Variants in QNG1 observed in about 807,000 individuals in gnomAD.
QNG1 encodes the protein queuosine 5'-phosphate N-glycosylase/hydrolase.
At chr9:83,941,454 C>T in the QNG1 span, among the ~76,000 whole-genome samples, 1 of 152,136 alleles carries the variant, frequency 6.6e-6, no homozygotes, top group Non-Finnish European at 1.5e-5. Flanking sequence ...TGGTGGTATG[C>T]ACCTCTAGTA....
the QNG1 span, chr9:83,939,483 T>G: frequency 1.3e-5 from 19 of 1,475,700 alleles, no homozygotes; most frequent in African/African-American, 2.6e-4. Context: ...ACGCAGGGGG[T>G]TTTCTTTGGA....
chr9:83,953,436 C>A, the QNG1 span, among the ~76,000 whole-genome samples: 7 of 151,098 alleles, frequency 4.6e-5, no homozygotes, highest in African/African-American at 1.7e-4. Context: ...CAACCTTCAG[C>A]TCCTGGGTTC....
the QNG1 span, among the ~76,000 whole-genome samples, chr9:83,953,182 C>A: frequency 6.6e-6 from 1 of 151,898 alleles, no homozygotes; most frequent in African/African-American, 2.4e-5. Flanking sequence ...GCAGGAGAAT[C>A]ATTTGAACCC....
the QNG1 span, among the ~76,000 whole-genome samples, chr9:83,946,071 C>T: frequency 6.6e-6 from 1 of 151,910 alleles, no homozygotes; most frequent in Non-Finnish European, 1.5e-5. Context: ...CTTTGGGAGA[C>T]TGAGACAGGA....
At chr9:83,947,819 A>G in the QNG1 span, among the ~76,000 whole-genome samples, 1 of 152,180 alleles carries the variant, frequency 6.6e-6, no homozygotes, top group African/African-American at 2.4e-5. Flanking sequence ...TCAGTGCTCA[A>G]TGTTGCCCAG....
At chr9:83,952,566 G>A in the QNG1 span, among the ~76,000 whole-genome samples, 3 of 151,908 alleles carry the variant, frequency 2.0e-5, no homozygotes, top group Admixed American at 6.6e-5. Context: ...AGGCTGAGGC[G>A]GGCGGATCAC....
At chr9:83,952,813 C>A in the QNG1 span, among the ~76,000 whole-genome samples, 15,312 of 124,358 alleles carry the variant, frequency 0.12, 923 homozygotes, top group Non-Finnish European at 0.16. Flanking sequence ...AAAAAAAAAA[C>A]AAAAATTAGC....
chr9:83,953,715 T>C, the QNG1 span: 2 of 984,080 alleles, frequency 2.0e-6, no homozygotes, highest in Admixed American at 4.4e-5. Context: ...TGGAGTGCGG[T>C]GGCGTAATCT....
the QNG1 span, among the ~76,000 whole-genome samples, chr9:83,948,362 GC>G: frequency 6.6e-6 from 1 of 150,660 alleles, no homozygotes; most frequent in Admixed American, 6.6e-5. Context: ...CCCGGCAGCC[GC>G]CCCGTCCAGG....
At chr9:83,949,984 A>G in the QNG1 span, among the ~76,000 whole-genome samples, 1 of 150,874 alleles carries the variant, frequency 6.6e-6, no homozygotes, top group Non-Finnish European at 1.5e-5. Context: ...TTAATATAAA[A>G]AAGAACAAAA....
At chr9:83,956,417 T>C in the QNG1 span, 1 of 1,587,426 alleles carries the variant, frequency 6.3e-7, no homozygotes, top group Non-Finnish European at 8.6e-7. Flanking sequence ...CCACCCTCCG[T>C]ACGCCTCCGC....
At chr9:83,950,165 T>C in the QNG1 span, among the ~76,000 whole-genome samples, 1 of 151,850 alleles carries the variant, frequency 6.6e-6, no homozygotes, top group Non-Finnish European at 1.5e-5. Flanking sequence ...TTCTCCTGCC[T>C]TAGCCTCCCG....
chr9:83,954,477 G>A, the QNG1 span, among the ~76,000 whole-genome samples: 1 of 152,080 alleles, frequency 6.6e-6, no homozygotes, highest in Non-Finnish European at 1.5e-5. Flanking sequence ...AGCTACTCAG[G>A]AGGCAAAGGC....
At chr9:83,953,884 A>C in the QNG1 span, 1 of 1,259,322 alleles carries the variant, frequency 7.9e-7, no homozygotes, top group East Asian at 2.6e-5. Context: ...TATACAGTAC[A>C]CTGAACTTTT....
chr9:83,956,564 C>A, the QNG1 span: 1 of 1,394,156 alleles, frequency 7.2e-7, no homozygotes, highest in African/African-American at 1.4e-5. Flanking sequence ...GTCCACTCTG[C>A]GCCTTGCGCT....
At chr9:83,956,491 G>A in the QNG1 span, 5 of 1,523,078 alleles carry the variant, frequency 3.3e-6, no homozygotes, top group East Asian at 9.1e-5. Context: ...GGATTTAGGA[G>A]CCCGTCCATT....
the QNG1 span, among the ~76,000 whole-genome samples, chr9:83,951,752 A>T: frequency 1.3e-5 from 2 of 152,184 alleles, no homozygotes; most frequent in African/African-American, 4.8e-5. Flanking sequence ...AGCTTAAAAA[A>T]TAGCTCTTCT....
chr9:83,945,039 T>C, the QNG1 span: 1 of 1,374,904 alleles, frequency 7.3e-7, no homozygotes. Flanking sequence ...GAAAGCTTTA[T>C]ATATGCTATT....
the QNG1 span, among the ~76,000 whole-genome samples, chr9:83,940,416 T>A: frequency 6.8e-3 from 1,035 of 152,094 alleles, 15 homozygotes; most frequent in African/African-American, 0.024. Flanking sequence ...ATCACGCCAT[T>A]GCACTCCAGT....
Sources: gnomAD v4.1 joint callset for allele counts (sites outside exome capture counted in the v4.1 genomes callset) on GRCh38, gnomAD v4.1.1 for gene constraint, MANE v1.5 for transcripts, NCBI Gene and HGNC (gene_info 2026-07-23, HGNC 2026-07-21) for gene names.